The following LEF1 variants were observed in gnomAD, a reference collection of about 807,000 sequenced individuals.
LEF1 encodes the protein lymphoid enhancer-binding factor 1.
Under a neutral mutation model 51.2 loss-of-function variants are expected in LEF1, and 14 were observed. That is an observed-to-expected ratio of 0.27 (90% CI 0.18 to 0.43). The LOEUF (loss-of-function observed/expected upper bound fraction) is 0.43. Ranked by LOEUF, LEF1 falls within the 20% of genes least tolerant of loss-of-function variation. The probability of loss-of-function intolerance (pLI) is 1.00; values close to 1 mark genes in which losing one functional copy is unlikely to be tolerated. For missense variants in LEF1, 386 were observed against 512.0 expected (o/e 0.75, Z 2.37); for synonymous variants, 185 against 183.2 (o/e 1.01, Z -0.08).
chr4:108,153,710 A>G (rs1744506483), intron 3 of LEF1, among the ~76,000 whole-genome samples: 2 of 152,240 alleles, frequency 1.3e-5, no homozygotes, highest in Admixed American at 1.3e-4. Context: ...ACTTTTAGTT[A>G]GAATATATGC....
At chr4:108,137,134 T>A (rs1036205376) in intron 3 of LEF1, among the ~76,000 whole-genome samples, 4 of 152,208 alleles carry the variant, frequency 2.6e-5, no homozygotes, top group African/African-American at 9.7e-5. Context: ...CGAAGAATAG[T>A]TTTTTAAATA....
intron 3 of LEF1, among the ~76,000 whole-genome samples, chr4:108,115,950 C>G (rs1741814515): frequency 6.6e-6 from 1 of 151,864 alleles, no homozygotes; most frequent in Admixed American, 6.6e-5. Flanking sequence ...GCTTTCTTCC[C>G]TCTACTGAGG....
chr4:108,081,565 CCA>C lies in LEF1; in HGVS notation c.722+19_722+20del, dbSNP rs767998530. ...GAAGAGCAACTTGTCCTCGAGCGCC[CCA>C]GTTTCCACCTCCACCTACCTGGACA... is the stretch of plus-strand genomic sequence containing the variant. On this transcript the variant is annotated intron_variant, in intron 6 of 11. Coordinates refer to ENST00000265165, the MANE Select transcript of LEF1 (RefSeq NM_016269.5). 2.5e-6 allele frequency: 4 copies of C among 1,604,978 alleles called. No individual in the cohort carries two copies. The African/African-American group carries it at 5.4e-5, about 21-fold the overall frequency.
Position 108,167,513 on chromosome 4 carries a change from G to A in LEF1, c.213+42C>T. On this transcript the variant is annotated intron_variant, in intron 1 of 11. Transcript: ENST00000265165. This position sits in a 1 kb window ranked among gnomAD's most constrained non-coding sequence, Gnocchi z 5.7. ...TTCCTCCCTCTCTGAGTTTCCCAGG[G>A]ACCCGCCACGCCTCTCGGAACTGGG... The A allele has an allele frequency of 6.2e-7, 1 of 1,600,406 alleles. No homozygotes were observed. The highest frequency in any genetic ancestry group is 8.5e-7 in the Non-Finnish European group (1 of 1,170,140).
chr4:108,166,283 G>C, intron 1 of LEF1: 1 of 1,536,066 alleles, frequency 6.5e-7, no homozygotes, highest in Non-Finnish European at 8.7e-7. Context: ...TCTGCCATTG[G>C]GATAGAGAAG....
chr4:108,073,829 C>T (rs1312373612), intron 8 of LEF1, among the ~76,000 whole-genome samples: 5 of 151,690 alleles, frequency 3.3e-5, no homozygotes, highest in East Asian at 1.9e-4. Context: ...GATAACCCCC[C>T]CCCCTTTTTT....
intron 3 of LEF1, among the ~76,000 whole-genome samples, chr4:108,115,896 G>A (rs1369550177): frequency 1.4e-5 from 2 of 138,264 alleles, no homozygotes; most frequent in Non-Finnish European, 3.1e-5. Flanking sequence ...CGGCTGTAAG[G>A]CAGGCCTGCG....
At chr4:108,091,336 G>A (rs1740006089) in intron 3 of LEF1, among the ~76,000 whole-genome samples, 2 of 151,690 alleles carry the variant, frequency 1.3e-5, no homozygotes, top group African/African-American at 4.8e-5. Context: ...TGGCTCCAAT[G>A]AGAAGGACTC....
Position 108,092,927 on chromosome 4 carries a change from A to AC in LEF1, c.415-3671_415-3670insG, listed in dbSNP as rs1553952165. Among the ~76,000 whole-genome samples the AC allele has an allele frequency of 5.8e-3, 720 of 125,044 alleles. 21 individuals carry two copies. The highest frequency in any genetic ancestry group is 0.025 in the African/African-American group (653 of 26,026). The allele number at this position is 125,044 out of a possible 152,430, so 82.0% of individuals were successfully genotyped here. On this transcript the variant is annotated intron_variant, in intron 3 of 11. Transcript: ENST00000265165. ...GAAACAATGAATATGTAAAAAAAAA[A>AC]AAAAAAAAAAAAAAAAAAAAAAGAC...
intron 11 of LEF1, among the ~76,000 whole-genome samples, chr4:108,061,332 C>A (rs1022159102): frequency 6.6e-6 from 1 of 152,116 alleles, no homozygotes; most frequent in South Asian, 2.1e-4. Flanking sequence ...ACAGCTGTGA[C>A]TTGCTAGAAA....
intron 3 of LEF1, among the ~76,000 whole-genome samples, chr4:108,131,481 C>G (rs911116325): frequency 6.6e-6 from 1 of 151,912 alleles, no homozygotes; most frequent in Non-Finnish European, 1.5e-5. Context: ...CACAAAAACA[C>G]ACTTCCATAT....
intron 4 of LEF1, among the ~76,000 whole-genome samples, chr4:108,084,738 A>G (rs1316779953): frequency 6.6e-6 from 1 of 152,150 alleles, no homozygotes; most frequent in Non-Finnish European, 1.5e-5. Flanking sequence ...ATTCAAAAAA[A>G]TTGTTTTTGT....
At chr4:108,142,365 TAC>T (rs1238668312) in intron 3 of LEF1, among the ~76,000 whole-genome samples, 2 of 152,130 alleles carry the variant, frequency 1.3e-5, no homozygotes, top group African/African-American at 4.8e-5. Flanking sequence ...TGGCTCCAGA[TAC>T]AGAGACACAA....
chr4:108,154,359 C>A (rs1744549199), intron 3 of LEF1, among the ~76,000 whole-genome samples: 1 of 148,204 alleles, frequency 6.7e-6, no homozygotes, highest in Non-Finnish European at 1.5e-5. Context: ...GAGTATAACA[C>A]TCACCCCAGT....
chr4:108,107,820 G>A (rs891269117), intron 3 of LEF1, among the ~76,000 whole-genome samples: 1 of 151,058 alleles, frequency 6.6e-6, no homozygotes, highest in Non-Finnish European at 1.5e-5. Context: ...CATTTTCCCC[G>A]TTACTGATAA....
intron 11 of LEF1, among the ~76,000 whole-genome samples, chr4:108,055,492 C>T (rs1459977182): frequency 6.6e-6 from 1 of 152,136 alleles, no homozygotes; most frequent in Non-Finnish European, 1.5e-5. Context: ...AGATGTAAAC[C>T]ATATAGCTTC....
chr4:108,119,699 T>C (rs1742046571), intron 3 of LEF1, among the ~76,000 whole-genome samples: 2 of 152,288 alleles, frequency 1.3e-5, no homozygotes, highest in South Asian at 4.1e-4. Flanking sequence ...ACCTGTGCAT[T>C]TGGTAGCCTC....
chr4:108,140,368 C>T (rs909449821), intron 3 of LEF1, among the ~76,000 whole-genome samples: 2 of 152,136 alleles, frequency 1.3e-5, no homozygotes, highest in South Asian at 2.1e-4. Context: ...ACTTGTCCTC[C>T]GTGTTTCCTT....
At chr4:108,096,157 G>A (rs1380228297) in intron 3 of LEF1, among the ~76,000 whole-genome samples, 1 of 152,164 alleles carries the variant, frequency 6.6e-6, no homozygotes, top group Non-Finnish European at 1.5e-5. Context: ...AGGCATTACA[G>A]TGGTTGATTC....
Sources: gnomAD v4.1 joint callset for allele counts (sites outside exome capture counted in the v4.1 genomes callset) on GRCh38, gnomAD v4.1.1 for gene constraint, Gnocchi (gnomAD v3.1) non-coding constraint, MANE v1.5 for transcripts, NCBI Gene and HGNC (gene_info 2026-07-23, HGNC 2026-07-21) for gene names.